The following FREM2 variants were observed in gnomAD, a reference collection of about 807,000 sequenced individuals.
The protein encoded by FREM2 is FRAS1 related extracellular matrix 2.
Under a neutral mutation model 219.9 loss-of-function variants are expected in FREM2, and 119 were observed. The observed-to-expected ratio is 0.54, with a 90% CI of 0.47 to 0.63. The LOEUF is 0.63. Among genes scored for constraint, FREM2 ranks in the 30% least tolerant of loss-of-function variants. The pLI is 0.00. For synonymous variants in FREM2, 1,562 were observed against 1,522.8 expected (o/e 1.03, Z -0.60); for missense variants, 4,030 against 3,993.6 (o/e 1.01, Z -0.25).
intron 2 of FREM2, among the ~76,000 whole-genome samples, chr13:38,754,199 A>G (rs1872889404): frequency 6.6e-6 from 1 of 152,224 alleles, no homozygotes; most frequent in East Asian, 1.9e-4. Context: ...CTTAAATCCT[A>G]GCTTGCGTTA....
Position 38,689,756 on chromosome 13 carries a change from C to A in FREM2, c.2412C>A (p.Phe804Leu). 1 of 1,613,226 alleles carries A rather than the reference C, an allele frequency of 6.2e-7. No individual in the cohort carries two copies. Among genetic ancestry groups the A allele is most frequent in the East Asian group, 2.2e-5 (1 of 44,864 alleles). The part of the protein sequence containing the change: ...GVATRVAQFQ[F>L]QVEDRAGNVA... ...CTACTCGAGTGGCCCAGTTCCAGTT[C>A]CAGGTGGAAGACCGAGCTGGGAATG... Residue 804 changes from phenylalanine to leucine, a missense_variant, in exon 1 of 24, where the codon TTC becomes TTA. Coordinates refer to ENST00000280481, the MANE Select transcript of FREM2 (RefSeq NM_207361.6).
chr13:38,761,226 G>A (rs1873211975), intron 2 of FREM2, among the ~76,000 whole-genome samples: 1 of 152,082 alleles, frequency 6.6e-6, no homozygotes, highest in African/African-American at 2.4e-5. Context: ...TCTTTAAGGG[G>A]AAGTGATAGG....
intron 15 of FREM2, among the ~76,000 whole-genome samples, chr13:38,863,247 G>A (rs1338643199): frequency 2.0e-5 from 3 of 151,774 alleles, no homozygotes; most frequent in African/African-American, 4.8e-5. Context: ...ACGGGGTTTC[G>A]CCATGTTGGT....
rs1314680917 is a variant in FREM2 at position 38,687,940 on chromosome 13, C to T, written c.596C>T (p.Ala199Val). Reference sequence around the variant, plus strand: ...GAAGAGCTGCTGGGGACCAGCAATGCCCTGGACGCGCGGAGCCTGGAGTTC... The same window carrying T: ...GAAGAGCTGCTGGGGACCAGCAATGTCCTGGACGCGCGGAGCCTGGAGTTC... ...VVEELLGTSN[A>V]LDARSLEFAF... Residue 199 changes from alanine (A) to valine (V), a missense_variant, in exon 1 of 24, where the codon GCC becomes GTC. Ala to Val is a moderately conservative substitution (Grantham distance 64). This residue lies in a region of FREM2 where 3,102 missense variants were observed against 2,950.7 expected (regional missense o/e 1.05). Coordinates refer to ENST00000280481, the MANE Select transcript of FREM2 (RefSeq NM_207361.6). 1.2e-6 allele frequency: 2 copies of T among 1,606,158 alleles called. No homozygotes were observed. Among genetic ancestry groups the T allele is most frequent in the South Asian group, 1.1e-5 (1 of 90,140 alleles).
At position 38,861,456 on chromosome 13, in the gene FREM2, G is replaced by A; in HGVS notation, c.7545G>A (p.Gly2515=). The A allele has an allele frequency of 6.2e-7, 1 of 1,613,876 alleles. No homozygotes were observed. Among genetic ancestry groups the A allele is most frequent in the Non-Finnish European group, 8.5e-7 (1 of 1,179,962 alleles). The change falls in exon 15 of 24, where the codon GGG becomes GGA. Residue 2515 remains glycine (G), a synonymous_variant. Transcript: ENST00000280481. The part of the protein sequence containing the change: ...EEGLCQPRVP[G]VVGAEPFSAK... ...GTCTTTGTCAGCCCCGTGTACCTGG[G>A]GTTGTTGGAGCAGAGCCGTTCTCAG...
chr13:38,697,915 T>G, intron 2 of FREM2, 128 bp downstream of exon 2: 2 of 711,682 alleles, frequency 2.8e-6, no homozygotes, highest in Non-Finnish European at 5.2e-6. Context: ...AACCTGGTAT[T>G]TGCTGTAGAC....
chr13:38,841,074 CTT>C (rs1178440325), intron 6 of FREM2, among the ~76,000 whole-genome samples: 1 of 152,140 alleles, frequency 6.6e-6, no homozygotes, highest in Non-Finnish European at 1.5e-5. Context: ...TACAGCACAA[CTT>C]TGGGGAAATC....
At chr13:38,693,205 T>C (rs1324625445) in intron 1 of FREM2, among the ~76,000 whole-genome samples, 1 of 152,220 alleles carries the variant, frequency 6.6e-6, no homozygotes, top group Non-Finnish European at 1.5e-5. Context: ...AAGGAAAGTA[T>C]ACTTAAAGAT....
intron 6 of FREM2, among the ~76,000 whole-genome samples, chr13:38,832,563 T>C (rs1041815506): frequency 1.3e-5 from 2 of 152,078 alleles, no homozygotes; most frequent in Non-Finnish European, 2.9e-5. Context: ...ATAAACTATG[T>C]AGTTTATTTT....
At position 38,691,496 on chromosome 13, in the gene FREM2, T is replaced by A; in HGVS notation, c.4152T>A (p.His1384Gln). The A allele has an allele frequency of 6.2e-7, 1 of 1,614,118 alleles. No individual in the cohort carries two copies. Among genetic ancestry groups the A allele is most frequent in the Non-Finnish European group, 8.5e-7 (1 of 1,179,996 alleles). The stretch of plus-strand genomic sequence containing the variant: ...ACAGAAACTTAATTCAGTATGTCCA[T>A]TTGGGGCAAGAGGGCATTCGGGACC... ...EVDRNLIQYV[H>Q]LGQEGIRDLI... Residue 1384 changes from histidine to glutamine, a missense_variant, in exon 1 of 24, where the codon CAT becomes CAA. By Grantham distance (24) the His-to-Gln change is conservative (BLOSUM62 0). Transcript: ENST00000280481.
intron 2 of FREM2, among the ~76,000 whole-genome samples, chr13:38,747,288 A>G (rs989190419): frequency 6.6e-6 from 1 of 152,080 alleles, no homozygotes; most frequent in Non-Finnish European, 1.5e-5. Context: ...TAGTTATCCT[A>G]TTATTCTTTG....
At chr13:38,868,881 A>T (rs2137930047) in intron 16 of FREM2, among the ~76,000 whole-genome samples, 1 of 152,374 alleles carries the variant, frequency 6.6e-6, no homozygotes, top group South Asian at 2.1e-4. Context: ...AAAAATAAAA[A>T]GCAAACCATC....
chr13:38,808,793 A>T (rs546724783), intron 6 of FREM2, among the ~76,000 whole-genome samples: 317 of 152,090 alleles, frequency 2.1e-3, no homozygotes, highest in African/African-American at 7.5e-3. Flanking sequence ...AATTTTCAAA[A>T]CGTGCTGCAG....
intron 12 of FREM2, among the ~76,000 whole-genome samples, chr13:38,856,566 A>G (rs1877568032): frequency 6.6e-6 from 1 of 152,036 alleles, no homozygotes. Context: ...GGGATTAACC[A>G]TCAGAGAGAA....
intron 2 of FREM2, among the ~76,000 whole-genome samples, chr13:38,761,241 G>C (rs1239478606): frequency 6.6e-6 from 1 of 152,166 alleles, no homozygotes; most frequent in Non-Finnish European, 1.5e-5. Context: ...GATAGGATGT[G>C]AAGTCATAGG....
At chr13:38,812,359 G>A (rs1436660062) in intron 6 of FREM2, among the ~76,000 whole-genome samples, 1 of 152,034 alleles carries the variant, frequency 6.6e-6, no homozygotes, top group Non-Finnish European at 1.5e-5. Context: ...TGGATGTCTG[G>A]TTGTCGGGTC....
chr13:38,775,336 T>C (rs187589309), intron 4 of FREM2, among the ~76,000 whole-genome samples: 9 of 152,290 alleles, frequency 5.9e-5, no homozygotes, highest in East Asian at 1.9e-4. Flanking sequence ...CAGATGATGA[T>C]ACAGAAATGA....
At chr13:38,837,449 A>G (rs1876755384) in intron 6 of FREM2, among the ~76,000 whole-genome samples, 1 of 152,162 alleles carries the variant, frequency 6.6e-6, no homozygotes, top group South Asian at 2.1e-4. Flanking sequence ...GTAGATGTTT[A>G]TTAGGCCTGC....
intron 5 of FREM2, among the ~76,000 whole-genome samples, chr13:38,783,729 T>C (rs1404172243): frequency 6.6e-6 from 1 of 152,204 alleles, no homozygotes; most frequent in Non-Finnish European, 1.5e-5. Flanking sequence ...TATGCTGATA[T>C]CAGAGTAGAC....
Sources: gnomAD v4.1 joint callset for allele counts (sites outside exome capture counted in the v4.1 genomes callset) on GRCh38, gnomAD v4.1.1 for gene constraint, gnomAD v4.1.1 regional missense constraint, MANE v1.5 for transcripts, NCBI Gene and HGNC (gene_info 2026-07-23, HGNC 2026-07-21) for gene names.